The following CDH13 variants were observed in gnomAD, a reference collection of about 807,000 sequenced individuals.
The protein encoded by CDH13 is cadherin-13.
A neutral mutation model predicts 63.8 loss-of-function variants in CDH13; 24 were observed. The observed-to-expected ratio is 0.38, with a 90% CI of 0.27 to 0.53. The LOEUF (loss-of-function observed/expected upper bound fraction) is 0.53, where lower values mean the gene tolerates loss of function less well. Among genes scored for constraint, CDH13 ranks in the 20% least tolerant of loss-of-function variants. The pLI is 0.85. For synonymous variants in CDH13, 503 were observed against 355.3 expected (o/e 1.42, Z -4.67); for missense variants, 1,049 against 903.1 (o/e 1.16, Z -2.07).
chr16:83,306,885 C>G (rs1008740525), intron 5 of CDH13, among the ~76,000 whole-genome samples: 1 of 152,032 alleles, frequency 6.6e-6, no homozygotes, highest in Non-Finnish European at 1.5e-5. Context: ...TATAGCAACA[C>G]GAAATGGGCT....
chr16:82,982,638 T>A (rs1314932012), intron 2 of CDH13, among the ~76,000 whole-genome samples: 1 of 152,204 alleles, frequency 6.6e-6, no homozygotes, highest in Non-Finnish European at 1.5e-5. Flanking sequence ...CCCCAACTAT[T>A]TGCCATTGAA....
At chr16:83,692,389 A>C (rs1198016983) in intron 10 of CDH13, among the ~76,000 whole-genome samples, 2 of 152,118 alleles carry the variant, frequency 1.3e-5, no homozygotes, top group African/African-American at 4.8e-5. Context: ...TGCTCTTTCC[A>C]TAGCACAGAG....
At chr16:83,386,240 G>C (rs1937425081) in intron 6 of CDH13, among the ~76,000 whole-genome samples, 1 of 152,204 alleles carries the variant, frequency 6.6e-6, no homozygotes, top group South Asian at 2.1e-4. Flanking sequence ...ATGGAGAAAA[G>C]ATGTGTGGCC....
intron 1 of CDH13, among the ~76,000 whole-genome samples, chr16:82,640,481 C>T (rs932453464): frequency 5.9e-5 from 9 of 152,112 alleles, no homozygotes; most frequent in African/African-American, 9.7e-5. Flanking sequence ...TCTCTTGAAA[C>T]TGTTCAATTC....
chr16:83,424,945 C>A (rs1294241657), intron 6 of CDH13, among the ~76,000 whole-genome samples: 1 of 152,204 alleles, frequency 6.6e-6, no homozygotes, highest in Non-Finnish European at 1.5e-5. Context: ...TCCTGATGAA[C>A]ACTTGGTTGC....
At chr16:83,146,193 CAAAAA>C (rs749952847) in intron 4 of CDH13, among the ~76,000 whole-genome samples, 66 of 97,620 alleles carry the variant, frequency 6.8e-4, no homozygotes, top group Non-Finnish European at 1.1e-3. Context: ...GACTCTGTCT[CAAAAA>C]AAAAAAAAAA....
At chr16:83,105,425 A>G (rs978865202) in intron 3 of CDH13, among the ~76,000 whole-genome samples, 2 of 152,234 alleles carry the variant, frequency 1.3e-5, no homozygotes, top group Non-Finnish European at 2.9e-5. Flanking sequence ...ATCAACAGCC[A>G]GCACTGCCTT....
At chr16:82,765,584 A>G (rs1004500533) in intron 1 of CDH13, among the ~76,000 whole-genome samples, 3 of 152,196 alleles carry the variant, frequency 2.0e-5, no homozygotes, top group South Asian at 4.1e-4. Context: ...GGTATTTATG[A>G]TGAGAAAATC....
At chr16:83,118,589 C>G (rs1379144237) in intron 3 of CDH13, among the ~76,000 whole-genome samples, 3 of 152,208 alleles carry the variant, frequency 2.0e-5, no homozygotes, top group Non-Finnish European at 2.9e-5. Flanking sequence ...GTGGCTCACC[C>G]TCATTTTCTC....
At chr16:83,179,547 G>A (rs1156375707) in intron 4 of CDH13, among the ~76,000 whole-genome samples, 1 of 150,810 alleles carries the variant, frequency 6.6e-6, no homozygotes, top group Non-Finnish European at 1.5e-5. Context: ...AGCTACTCGG[G>A]AGGCTGAGGC....
intron 5 of CDH13, among the ~76,000 whole-genome samples, chr16:83,228,052 G>C (rs1054911130): frequency 2.6e-5 from 4 of 152,150 alleles, no homozygotes; most frequent in Admixed American, 2.6e-4. Flanking sequence ...GGTCCAGGAA[G>C]GCCCTCCTGG....
At chr16:82,689,415 T>C (rs1004173078) in intron 1 of CDH13, among the ~76,000 whole-genome samples, 2 of 152,202 alleles carry the variant, frequency 1.3e-5, no homozygotes, top group Non-Finnish European at 2.9e-5. Flanking sequence ...ATCATTATCA[T>C]AGTCAGTTTA....
At chr16:83,014,724 C>G (rs1350114020) in intron 2 of CDH13, among the ~76,000 whole-genome samples, 3 of 88,536 alleles carry the variant, frequency 3.4e-5, no homozygotes, top group African/African-American at 8.8e-5. Flanking sequence ...GAGGGAGACT[C>G]CATCTAAAAA....
chr16:83,172,946 G>A (rs34961029), intron 4 of CDH13, among the ~76,000 whole-genome samples: 1 of 151,830 alleles, frequency 6.6e-6, no homozygotes, highest in Admixed American at 6.6e-5. Flanking sequence ...GCTGAACCAA[G>A]CCAACACTCT....
intron 1 of CDH13, among the ~76,000 whole-genome samples, chr16:82,647,218 C>G (rs1185188187): frequency 2.6e-5 from 4 of 152,130 alleles, no homozygotes; most frequent in African/African-American, 9.7e-5. Flanking sequence ...TCCAGAGAAC[C>G]TTGTAAACAC....
chr16:82,689,961 A>G (rs1223334730), intron 1 of CDH13, among the ~76,000 whole-genome samples: 2 of 132,452 alleles, frequency 1.5e-5, no homozygotes, highest in East Asian at 2.3e-4. Flanking sequence ...CCTGACCAAC[A>G]TGGTGAAACG....
intron 5 of CDH13, among the ~76,000 whole-genome samples, chr16:83,304,102 A>C (rs939882123): frequency 1.3e-5 from 2 of 152,170 alleles, no homozygotes; most frequent in Non-Finnish European, 2.9e-5. Context: ...TGACTAGACT[A>C]TGGGGGTAGC....
intron 5 of CDH13, among the ~76,000 whole-genome samples, chr16:83,253,504 T>C (rs1365278517): frequency 6.6e-6 from 1 of 152,222 alleles, no homozygotes; most frequent in African/African-American, 2.4e-5. Flanking sequence ...ACCTGTGCCT[T>C]CTGCCATTAA....
intron 5 of CDH13, among the ~76,000 whole-genome samples, chr16:83,276,130 C>G (rs966976704): frequency 6.6e-6 from 1 of 152,164 alleles, no homozygotes; most frequent in East Asian, 1.9e-4. Flanking sequence ...AAACTCGCCC[C>G]ACACTCTCAG....
Sources: gnomAD v4.1 joint callset for allele counts (sites outside exome capture counted in the v4.1 genomes callset) on GRCh38, gnomAD v4.1.1 for gene constraint, MANE v1.5 for transcripts, NCBI Gene and HGNC (gene_info 2026-07-23, HGNC 2026-07-21) for gene names.